Variants in KREMEN2 observed in about 807,000 individuals in gnomAD.
KREMEN2 encodes the protein kringle containing transmembrane protein 2.
KREMEN2 carries 43 observed loss-of-function variants against 49.8 expected under a neutral mutation model. The ratio of observed to expected loss-of-function variants is 0.86; its 90% CI spans 0.68 to 1.11. The LOEUF (loss-of-function observed/expected upper bound fraction) is 1.11, where lower values mean the gene tolerates loss of function less well. KREMEN2 is among the 50% of genes most tolerant of loss of function. The pLI is 0.00. For missense variants in KREMEN2, 686 were observed against 665.7 expected, an observed-to-expected ratio of 1.03 and a Z score of -0.34; for synonymous variants, 355 against 304.9, an observed-to-expected ratio of 1.16 and a Z score of -1.71.
Position 2,964,330 on chromosome 16 carries a change from G to A in KREMEN2, c.-191G>A. 2.0e-6 allele frequency: 1 copy of A among 489,940 alleles called. No homozygotes were observed. 30.3% of individuals were successfully genotyped at this position (489,940 alleles called of 1,614,324 possible). ...CAGGGACAGAGAGACGCCTCTAGGG[G>A]CAGAGGCCCTGGGAGGCAAAGACCC... On this transcript the variant is annotated 5_prime_UTR_variant, in exon 1 of 9. Transcript: ENST00000303746.
Position 2,965,543 on chromosome 16 carries a change from G to A in KREMEN2, c.269+510G>A, listed in dbSNP as rs370708155. Reference sequence around the variant, plus strand: ...CCAGCACTTTGGGAGGCCAAGGCAGGCGGATCATCTGAGGTCAGGAGTTCG... The same window carrying A: ...CCAGCACTTTGGGAGGCCAAGGCAGACGGATCATCTGAGGTCAGGAGTTCG... On this transcript the variant is annotated intron_variant, in intron 2 of 8. Transcript: ENST00000303746. Among the ~76,000 whole-genome samples the A allele has an allele frequency of 5.3e-5, 8 of 152,184 alleles. No homozygotes were observed. The East Asian group carries it at 1.3e-3, about 26-fold the overall frequency.
Position 2,967,125 on chromosome 16 carries a change from T to A in KREMEN2, c.856T>A (p.Phe286Ile). 7.1e-7 allele frequency: 1 copy of A among 1,417,504 alleles called. No individual in the cohort carries two copies. Among genetic ancestry groups the A allele is most frequent in the South Asian group, 1.5e-5 (1 of 67,074 alleles). The allele number at this position is 1,417,504 out of a possible 1,614,324, so 87.8% of individuals were successfully genotyped here. A position where few individuals can be genotyped will look rare whatever the true frequency, so the allele number is the denominator to read the frequency against. ...GGCTTCGGGCAGCCTGCTCCGCGCC[T>A]TCGATGGCGCCCGCCCACCGCCGTC... The part of the protein sequence containing the change: ...DAASGSLLRA[F>I]DGARPPPSGP... The change falls in exon 6 of 9, where the codon TTC (phenylalanine) becomes ATC (isoleucine). Residue 286 changes from phenylalanine (F) to isoleucine (I), a missense_variant. By Grantham distance (21) the Phe-to-Ile change is conservative. Coordinates refer to ENST00000303746, the MANE Select transcript of KREMEN2 (RefSeq NM_172229.3).
chr16:2,968,032 G>T lies in KREMEN2; in HGVS notation c.*12G>T, dbSNP rs1314894974. 1 of 1,542,458 alleles carries T rather than the reference G, an allele frequency of 6.5e-7. No individual in the cohort carries two copies. Among genetic ancestry groups the T allele is most frequent in the Non-Finnish European group, 8.7e-7 (1 of 1,150,294 alleles). ...TCTCCGCTCTCTGACTCTGGGCCCC[G>T]AGGGTCCGCTGGGCCCGCCGCCGGC... On this transcript the variant is annotated 3_prime_UTR_variant, in exon 9 of 9. Transcript: ENST00000303746.
chr16:2,964,651 C>A, intron 1 of KREMEN2, 37 bp downstream of exon 1: 2 of 1,526,582 alleles, frequency 1.3e-6, no homozygotes, highest in East Asian at 2.3e-5. Context: ...GTGTTCACCA[C>A]CCCTTCCTCG....
rs1172355426 is a variant in KREMEN2 at position 2,966,065 on chromosome 16, A to G, written c.270-75A>G. 1 of 1,342,498 alleles carries G rather than the reference A, an allele frequency of 7.4e-7. No individual in the cohort carries two copies. Among genetic ancestry groups the G allele is most frequent in the South Asian group, 1.2e-5 (1 of 83,594 alleles). The allele number at this position is 1,342,498 out of a possible 1,614,324, so 83.2% of individuals were successfully genotyped here. On this transcript the variant is annotated intron_variant, in intron 2 of 8. Coordinates refer to ENST00000303746, the MANE Select transcript of KREMEN2 (RefSeq NM_172229.3). The surrounding 1 kb of genome is among the most constrained non-coding windows in gnomAD (Gnocchi z 8.4). ...CAGAGCCTTGAAGGCCACTTTGAGC[A>G]TAGGCTGCGGGGCCGGGCCTGGGTT...
Position 2,966,263 on chromosome 16 carries a change from G to A in KREMEN2, c.361+32G>A, listed in dbSNP as rs548858922. The A allele has an allele frequency of 3.9e-5, 63 of 1,613,338 alleles. 1 individual carries two copies. In the South Asian group the frequency reaches 5.7e-4, roughly 15 times the overall value. ...AGCGCGGCTGGACAGAGGTGGGAAC[G>A]CTGCTGCATCTGGGAGGAGGGTTGT... On this transcript the variant is annotated intron_variant, in intron 3 of 8. Coordinates refer to ENST00000303746, the MANE Select transcript of KREMEN2 (RefSeq NM_172229.3). This position sits in a 1 kb window ranked among gnomAD's most constrained non-coding sequence, Gnocchi z 8.4.
At position 2,967,972 on chromosome 16, in the gene KREMEN2, G is replaced by A. The variant is rs1158108167; in HGVS notation, c.1341G>A (p.Leu447=). The change falls in exon 9 of 9, where the codon CTG becomes CTA. Residue 447 remains leucine, a synonymous_variant. Coordinates refer to ENST00000303746, the MANE Select transcript of KREMEN2 (RefSeq NM_172229.3). ...GTTCTGCCGCGGGCTACCGGCCTCT[G>A]AGTGCCTCCAGCCAGAGCTCCCTGC... ...AEGSAAGYRP[L]SASSQSSLRS... is the part of the protein sequence containing the mutation. The A allele has an allele frequency of 1.3e-6, 2 of 1,585,862 alleles. No individual in the cohort carries two copies. The highest frequency in any genetic ancestry group is 1.7e-6 in the Non-Finnish European group (2 of 1,170,468).
chr16:2,967,990 C>A lies in KREMEN2; in HGVS notation c.1359C>A (p.Ser453Arg). ...GGCCTCTGAGTGCCTCCAGCCAGAG[C>A]TCCCTGCGCTCGCTCATCTCCGCTC... is the stretch of plus-strand genomic sequence containing the variant. ...GYRPLSASSQ[S>R]SLRSLISAL The change falls in exon 9 of 9, where the codon AGC becomes AGA. Residue 453 changes from serine to arginine, a missense_variant. By Grantham distance (110) the Ser-to-Arg change is moderately radical. Coordinates refer to ENST00000303746, the MANE Select transcript of KREMEN2 (RefSeq NM_172229.3). 2 of 1,576,032 alleles carry A rather than the reference C, an allele frequency of 1.3e-6. No homozygotes were observed. The highest frequency in any genetic ancestry group is 1.7e-6 in the Non-Finnish European group (2 of 1,166,930).
At chr16:2,964,696 G>C (rs904209639) in intron 1 of KREMEN2, 82 bp downstream of exon 1, 12 of 1,414,064 alleles carry the variant, frequency 8.5e-6, no homozygotes, top group Non-Finnish European at 1.1e-5. Context: ...CCAAGGCTAG[G>C]GAGGGGGACA....
At position 2,964,914 on chromosome 16, in the gene KREMEN2, C is replaced by T. The variant is rs1415940932; in HGVS notation, c.150C>T (p.Arg50=). The T allele has an allele frequency of 6.2e-7, 1 of 1,607,922 alleles. No individual in the cohort carries two copies. Among genetic ancestry groups the T allele is most frequent in the South Asian group, 1.1e-5 (1 of 90,780 alleles). ...NGADYRGHQN[R]TGPRGAGRPC... ...CTGACTACCGCGGCCACCAGAACCG[C>T]ACTGGCCCGCGCGGGGCGGGCCGCC... Residue 50 remains arginine, a synonymous_variant, in exon 2 of 9, where the codon CGC becomes CGT. Coordinates refer to ENST00000303746, the MANE Select transcript of KREMEN2 (RefSeq NM_172229.3).
At chr16:2,965,161 T>G (rs2151054247) in intron 2 of KREMEN2, 128 bp downstream of exon 2, 10 of 14,446 alleles carry the variant, frequency 6.9e-4, no homozygotes, top group South Asian at 4.3e-3. Flanking sequence ...CTGGAGAACC[T>G]GGGGGCGGGG....
At position 2,966,783 on chromosome 16, in the gene KREMEN2, G is replaced by C. The variant is rs770424752; in HGVS notation, c.628G>C (p.Gly210Arg). ...GQLCGGDGRL[G>R]VYEVSVGSCQ... is the part of the protein sequence containing the mutation. ...GCTGTGTGGCGGCGATGGGCGGCTG[G>C]GCGTCTATGAAGGTGAGGAGTGGGC... The change falls in exon 5 of 9, where the codon GGC becomes CGC. Residue 210 changes from glycine (G) to arginine (R), a missense_variant. Gly to Arg is a moderately radical substitution (Grantham distance 125, BLOSUM62 -2). Coordinates refer to ENST00000303746, the MANE Select transcript of KREMEN2 (RefSeq NM_172229.3). This position sits in a 1 kb window ranked among gnomAD's most constrained non-coding sequence, Gnocchi z 8.4. 6.2e-6 allele frequency: 10 copies of C among 1,607,452 alleles called. No individual in the cohort carries two copies. The highest frequency in any genetic ancestry group is 7.7e-6 in the Non-Finnish European group (9 of 1,176,374).
In KREMEN2 at chr16:2,967,792, T is replaced by C. The variant is rs2071867296; in HGVS notation, c.1179-18T>C. The C allele has an allele frequency of 3.9e-6, 6 of 1,549,068 alleles. No individual in the cohort carries two copies. The highest frequency in any genetic ancestry group is 3.6e-5 in the South Asian group (3 of 84,044). On this transcript the variant is annotated intron_variant, in intron 8 of 8. Transcript: ENST00000303746. The stretch of plus-strand genomic sequence containing the variant: ...AGCGGGATTGGACCGGCTCGGCTGA[T>C]GTCTGCTCCCTCTCTAGGAGCTGTC...
chr16:2,964,895 AC>A lies in KREMEN2; in HGVS notation c.133del (p.Arg45AlafsTer114), dbSNP rs749323524. On this transcript the variant is annotated frameshift_variant, in exon 2 of 9. Coordinates refer to ENST00000303746, the MANE Select transcript of KREMEN2 (RefSeq NM_172229.3). LOFTEE classifies it high-confidence loss of function. Reference sequence around the variant, plus strand: ...TGCTTCCAGGTGAATGGGGCTGACTACCGCGGCCACCAGAACCGCACTGGCC... The same window carrying A: ...TGCTTCCAGGTGAATGGGGCTGACTACGCGGCCACCAGAACCGCACTGGCC... ...SECFQVNGADYRGHQNRTGPR... is the reference protein window; with the variant it reads ...SECFQVNGADXRGHQNRTGPR... 6.2e-7 allele frequency: 1 copy of A among 1,610,034 alleles called. No individual in the cohort carries two copies. Among genetic ancestry groups the A allele is most frequent in the African/African-American group, 1.3e-5 (1 of 74,674 alleles).
Position 2,966,098 on chromosome 16 carries a change from C to T in KREMEN2, c.270-42C>T. 2 of 1,572,350 alleles carry T rather than the reference C, an allele frequency of 1.3e-6. No individual in the cohort carries two copies. Among genetic ancestry groups the T allele is most frequent in the African/African-American group, 1.3e-5 (1 of 74,206 alleles). ...CGGGGCCGGGCCTGGGTTTGCTATT[C>T]TTGGGGTGGTGGGAGCCCCACCACC... On this transcript the variant is annotated intron_variant, in intron 2 of 8. Coordinates refer to ENST00000303746, the MANE Select transcript of KREMEN2 (RefSeq NM_172229.3). The surrounding 1 kb of genome is among the most constrained non-coding windows in gnomAD (Gnocchi z 8.4).
Position 2,967,581 on chromosome 16 carries a change from G to T in KREMEN2, c.1155G>T (p.Gly385=), listed in dbSNP as rs2285828. Residue 385 remains glycine, a synonymous_variant, in exon 8 of 9, where the codon GGG becomes GGT. Transcript: ENST00000303746. ...CGGTGCTGCTGCTGCTGCTCCTGGG[G>T]CTGCTGCGTCCGCTGCGCCGACGGT... ...AVSVLLLLLL[G]LLRPLRRRSC... 6.1e-3 allele frequency: 9,394 copies of T among 1,529,150 alleles called. 520 individuals carry two copies. In the East Asian group the frequency reaches 0.14, roughly 23 times the overall value. 94.7% of individuals were successfully genotyped at this position (1,529,150 alleles called of 1,614,324 possible). A position where few individuals can be genotyped will look rare whatever the true frequency, so the allele number is the denominator to read the frequency against.
Position 2,964,483 on chromosome 16 carries a change from G to T in KREMEN2, c.-38G>T, listed in dbSNP as rs901153947. 6.8e-7 allele frequency: 1 copy of T among 1,463,708 alleles called. No individual in the cohort carries two copies. 90.7% of individuals were successfully genotyped at this position (1,463,708 alleles called of 1,614,324 possible). A position where few individuals can be genotyped will look rare whatever the true frequency, so the allele number is the denominator to read the frequency against. The stretch of plus-strand genomic sequence containing the variant: ...AGCGACCCCGGGGGCAGCCCGGGCC[G>T]TGTCCGGGCGAGGGTGACCTATCCT... On this transcript the variant is annotated 5_prime_UTR_variant, in exon 1 of 9. Coordinates refer to ENST00000303746, the MANE Select transcript of KREMEN2 (RefSeq NM_172229.3).
intron 8 of KREMEN2, 34 bp from the exon 9 acceptor site, chr16:2,967,776 G>A: frequency 1.3e-6 from 2 of 1,547,292 alleles, no homozygotes; most frequent in Non-Finnish European, 1.7e-6. Context: ...CAGCGGGATT[G>A]GACCGGCTCG....
intron 1 of KREMEN2, 89 bp from the exon 2 acceptor site, chr16:2,964,770 G>A (rs1431560012): frequency 8.6e-6 from 13 of 1,503,466 alleles, no homozygotes; most frequent in Non-Finnish European, 1.2e-5. Context: ...CGGGGTCGCT[G>A]GCTGGGGACC....
Sources: gnomAD v4.1 joint callset for allele counts (sites outside exome capture counted in the v4.1 genomes callset) on GRCh38, gnomAD v4.1.1 for gene constraint, Gnocchi (gnomAD v3.1) non-coding constraint, MANE v1.5 for transcripts, NCBI Gene and HGNC (gene_info 2026-07-23, HGNC 2026-07-21) for gene names.